SLC35F3: variants seen among roughly 807,000 people sequenced by gnomAD.
SLC35F3 encodes the protein putative thiamine transporter SLC35F3.
SLC35F3 carries 25 observed loss-of-function variants against 49.9 expected under a neutral mutation model. That is an observed-to-expected ratio of 0.50 (90% CI 0.37 to 0.70). The LOEUF is 0.70. SLC35F3 is among the 30% of genes least tolerant of loss of function. SLC35F3 has a pLI of 0.00. For missense variants in SLC35F3, 525 were observed against 639.8 expected, an observed-to-expected ratio of 0.82 and a Z score of 1.94; for synonymous variants, 275 against 265.4, an observed-to-expected ratio of 1.04 and a Z score of -0.35.
chr1:233,981,072 CAGAA>C (rs1264954377), intron 2 of SLC35F3, among the ~76,000 whole-genome samples: 1 of 152,170 alleles, frequency 6.6e-6, no homozygotes. Flanking sequence ...ACAGAAAGAA[CAGAA>C]AGAGATACTG....
At chr1:234,026,171 C>G (rs1663975429) in intron 2 of SLC35F3, among the ~76,000 whole-genome samples, 1 of 152,064 alleles carries the variant, frequency 6.6e-6, no homozygotes, top group Non-Finnish European at 1.5e-5. Context: ...ATTTTTGTAC[C>G]AGTACCATGC....
Position 233,965,386 on chromosome 1 carries a change from C to T in SLC35F3, c.283+59628C>T, listed in dbSNP as rs1324197159. Among the ~76,000 whole-genome samples the T allele has an allele frequency of 3.3e-5, 5 of 152,276 alleles. No homozygotes were observed. In the East Asian group the frequency reaches 9.6e-4, roughly 29 times the overall value. ...TCACCTCTTTGTCTAATTCCTTCCC[C>T]TTGAGTATGGGCAGGACCTGTGATT... On this transcript the variant is annotated intron_variant, in intron 2 of 7. Transcript: ENST00000366618.
intron 2 of SLC35F3, among the ~76,000 whole-genome samples, chr1:234,168,221 C>A (rs1398895009): frequency 6.6e-6 from 1 of 152,224 alleles, no homozygotes; most frequent in Non-Finnish European, 1.5e-5. Context: ...ATATGACTTT[C>A]AGATGCTGTC....
intron 2 of SLC35F3, among the ~76,000 whole-genome samples, chr1:234,226,568 A>G (rs1040500244): frequency 7.2e-6 from 1 of 138,328 alleles, no homozygotes; most frequent in Non-Finnish European, 1.6e-5. Flanking sequence ...AAAAAAAAAA[A>G]GCACCCAATT....
At chr1:234,009,063 A>C (rs1663674278) in intron 2 of SLC35F3, among the ~76,000 whole-genome samples, 1 of 152,218 alleles carries the variant, frequency 6.6e-6, no homozygotes, top group Admixed American at 6.5e-5. Context: ...CATAGTTTTG[A>C]ATGTTGCTAA....
chr1:233,944,835 T>C (rs1247061941), intron 2 of SLC35F3, among the ~76,000 whole-genome samples: 2 of 148,814 alleles, frequency 1.3e-5, no homozygotes, highest in Non-Finnish European at 3.0e-5. Context: ...GCAAAGTTAA[T>C]GATAAACGAT....
intron 2 of SLC35F3, among the ~76,000 whole-genome samples, chr1:234,029,101 G>A (rs1470536710): frequency 2.0e-5 from 3 of 152,052 alleles, no homozygotes; most frequent in Non-Finnish European, 2.9e-5. Context: ...GAAAAACATC[G>A]GTCATTTTCT....
In SLC35F3 at chr1:234,324,217, A is replaced by G. The variant is rs1161620192; in HGVS notation, c.*974A>G. On this transcript the variant is annotated 3_prime_UTR_variant, in exon 8 of 8. Transcript: ENST00000366618. ...TGTAAACCTTTTTATGAAACTTTTA[A>G]GCACCAGGCTGTTTACTTACACAAT... The G allele has an allele frequency of 6.6e-6, 1 of 152,250 alleles. No individual in the cohort carries two copies. The highest frequency in any genetic ancestry group is 2.4e-5 in the African/African-American group (1 of 41,466). 9.4% of individuals were successfully genotyped at this position (152,250 alleles called of 1,614,324 possible). A position where few individuals can be genotyped will look rare whatever the true frequency, so the allele number is the denominator to read the frequency against.
At chr1:234,316,489 A>T in intron 4 of SLC35F3, 113 bp from the exon 5 acceptor site, 1 of 1,359,992 alleles carries the variant, frequency 7.4e-7, no homozygotes, top group Non-Finnish European at 9.9e-7. Context: ...AGGAGACACC[A>T]CTTTCCCCTC....
At chr1:234,247,884 C>CTGGTGCATTGTTTGGTGGGTTGGTTGGT (rs1354822994) in intron 3 of SLC35F3, among the ~76,000 whole-genome samples, 2 of 7,244 alleles carry the variant, frequency 2.8e-4, no homozygotes, top group African/African-American at 3.4e-4. Flanking sequence ...GGTCAGTTGG[C>CTGGTGCATTGTTTGGTGGGTTGGTTGGT]TGGTCCGTTG....
chr1:233,909,774 C>T (rs901468121), intron 2 of SLC35F3, among the ~76,000 whole-genome samples: 4 of 152,202 alleles, frequency 2.6e-5, no homozygotes, highest in Admixed American at 2.0e-4. Context: ...CACCCTGCCC[C>T]CTAAGTTGTA....
intron 2 of SLC35F3, among the ~76,000 whole-genome samples, chr1:234,164,324 A>G (rs571759294): frequency 1.9e-5 from 2 of 107,988 alleles, no homozygotes; most frequent in East Asian, 2.6e-4. Context: ...CTCTCTCCCT[A>G]TCTCTCTCCG....
At chr1:234,065,944 A>G (rs1188333813) in intron 2 of SLC35F3, among the ~76,000 whole-genome samples, 2 of 152,196 alleles carry the variant, frequency 1.3e-5, no homozygotes, top group Non-Finnish European at 2.9e-5. Flanking sequence ...CGTTGTCGTG[A>G]GGTCAGTGAA....
At chr1:233,936,646 TCTC>T (rs1307062977) in intron 2 of SLC35F3, among the ~76,000 whole-genome samples, 1 of 151,700 alleles carries the variant, frequency 6.6e-6, no homozygotes, top group Non-Finnish European at 1.5e-5. Flanking sequence ...TTCTTCCTCT[TCTC>T]CTCCTCCTTT....
At chr1:234,114,604 T>C in intron 2 of SLC35F3, among the ~76,000 whole-genome samples, 1 of 152,224 alleles carries the variant, frequency 6.6e-6, no homozygotes, top group East Asian at 1.9e-4. Context: ...AAGAATGTCT[T>C]TGTTTGCTGA....
At chr1:234,107,457 A>G (rs770811271) in intron 2 of SLC35F3, among the ~76,000 whole-genome samples, 12 of 152,152 alleles carry the variant, frequency 7.9e-5, no homozygotes, top group Non-Finnish European at 1.6e-4. Flanking sequence ...TCCAAGATCA[A>G]GGTGCCAGCA....
chr1:234,217,227 TA>T (rs1440162972), intron 2 of SLC35F3, among the ~76,000 whole-genome samples: 4 of 152,168 alleles, frequency 2.6e-5, no homozygotes, highest in African/African-American at 7.2e-5. Context: ...GTGGTACATA[TA>T]AAACCAAAAT....
intron 2 of SLC35F3, among the ~76,000 whole-genome samples, chr1:233,998,934 T>C (rs1663505531): frequency 1.3e-5 from 2 of 152,236 alleles, no homozygotes; most frequent in South Asian, 4.1e-4. Flanking sequence ...TTTCTTCACC[T>C]ACAGAGTACA....
intron 2 of SLC35F3, among the ~76,000 whole-genome samples, chr1:234,130,991 C>T (rs948871495): frequency 2.6e-5 from 4 of 151,748 alleles, no homozygotes; most frequent in Admixed American, 6.6e-5. Context: ...AAAATGAAGA[C>T]GCCATTAAGT....
Sources: gnomAD v4.1 joint callset for allele counts (sites outside exome capture counted in the v4.1 genomes callset) on GRCh38, gnomAD v4.1.1 for gene constraint, MANE v1.5 for transcripts, NCBI Gene and HGNC (gene_info 2026-07-23, HGNC 2026-07-21) for gene names.